UBR2: variants seen among roughly 807,000 people sequenced by gnomAD.
The protein encoded by UBR2 is E3 ubiquitin-protein ligase UBR2.
UBR2 carries 92 observed loss-of-function variants against 247.9 expected under a neutral mutation model. The observed-to-expected ratio is 0.37, with a 90% CI of 0.31 to 0.44. The LOEUF is 0.44. Among genes scored for constraint, UBR2 ranks in the 20% least tolerant of loss-of-function variants. UBR2 has a pLI of 1.00. For missense variants in UBR2, 1,613 were observed against 2,112.6 expected, an observed-to-expected ratio of 0.76 and a Z score of 4.64; for synonymous variants, 672 against 693.5, an observed-to-expected ratio of 0.97 and a Z score of 0.49.
chr6:42,623,887 A>G (rs1795162657), intron 11 of UBR2, among the ~76,000 whole-genome samples: 1 of 151,308 alleles, frequency 6.6e-6, no homozygotes, highest in Admixed American at 6.6e-5. Flanking sequence ...CAAATGTTTT[A>G]TTACTTTTGC....
At chr6:42,580,945 C>T (rs531592344) in intron 2 of UBR2, among the ~76,000 whole-genome samples, 4 of 151,838 alleles carry the variant, frequency 2.6e-5, no homozygotes, top group African/African-American at 7.2e-5. Flanking sequence ...TGGCTCCAGC[C>T]GCCTAGGTAA....
chr6:42,586,393 G>A (rs933496019), intron 2 of UBR2, among the ~76,000 whole-genome samples: 4 of 152,000 alleles, frequency 2.6e-5, no homozygotes, highest in African/African-American at 4.8e-5. Flanking sequence ...TTTATGGTTC[G>A]GCAACATGGT....
intron 41 of UBR2, among the ~76,000 whole-genome samples, chr6:42,679,020 T>G (rs1798882322): frequency 6.6e-6 from 1 of 152,232 alleles, no homozygotes; most frequent in African/African-American, 2.4e-5. Context: ...TTCAAGTGAT[T>G]TTTAACTTGA....
intron 42 of UBR2, among the ~76,000 whole-genome samples, chr6:42,682,838 C>T (rs1227415759): frequency 6.6e-6 from 1 of 152,116 alleles, no homozygotes; most frequent in East Asian, 1.9e-4. Flanking sequence ...TGTTTATAGT[C>T]ACAAATTGTA....
At position 42,641,451 on chromosome 6, in the gene UBR2, A is replaced by AAAT. The variant is rs554395742; in HGVS notation, c.1921-115_1921-113dup. 5.6e-3 allele frequency: 3,327 copies of AAAT among 596,700 alleles called. 13 individuals carry two copies. Among genetic ancestry groups the AAAT allele is most frequent in the Non-Finnish European group, 7.6e-3 (2,866 of 376,392 alleles). The allele number at this position is 596,700 out of a possible 1,614,324, so 37.0% of individuals were successfully genotyped here. ...TGACAGAGTGAGACTCTGTCTCAAA[A>AAAT]AATAATAATAATAATAATTTATATT... is the stretch of plus-strand genomic sequence containing the variant. On this transcript the variant is annotated intron_variant, in intron 16 of 46. Coordinates refer to ENST00000372901, the MANE Select transcript of UBR2 (RefSeq NM_001363705.2).
intron 23 of UBR2, among the ~76,000 whole-genome samples, chr6:42,651,750 C>A (rs1438616858): frequency 1.3e-5 from 2 of 152,048 alleles, no homozygotes; most frequent in African/African-American, 4.8e-5. Context: ...CTTGGCCTCC[C>A]AAAGTGCTGG....
intron 2 of UBR2, among the ~76,000 whole-genome samples, chr6:42,587,897 A>G (rs898975683): frequency 6.6e-6 from 1 of 152,028 alleles, no homozygotes; most frequent in Admixed American, 6.6e-5. Context: ...TATTCTGGGA[A>G]AAACACACTC....
chr6:42,573,298 C>T (rs941762007), intron 1 of UBR2, among the ~76,000 whole-genome samples: 12 of 152,040 alleles, frequency 7.9e-5, no homozygotes, highest in South Asian at 4.2e-4. Flanking sequence ...TCATGTTCAC[C>T]GTACATATTG....
rs1798575326 is a variant in UBR2 at position 42,673,864 on chromosome 6, G to A, written c.4160G>A (p.Gly1387Glu). The change falls in exon 37 of 47, where the codon GGA (glycine) becomes GAA (glutamate). Residue 1387 changes from glycine (G) to glutamate (E), a missense_variant. Around this residue, in one of 3 missense-constraint regions of UBR2, gnomAD observed 1,524 missense variants for 1,967.3 expected, o/e 0.77. Transcript: ENST00000372901. ...WTVASVSVVQ[G>E]HFCKLFASLV... Reference sequence around the variant, plus strand: ...GTGGCATCAGTTTCAGTGGTGCAAGGACATTTTTGTAAACTTTTTGCATGT... The same window carrying A: ...GTGGCATCAGTTTCAGTGGTGCAAGAACATTTTTGTAAACTTTTTGCATGT... The A allele has an allele frequency of 1.2e-6, 2 of 1,613,570 alleles. No homozygotes were observed. Among genetic ancestry groups the A allele is most frequent in the African/African-American group, 2.7e-5 (2 of 75,020 alleles).
chr6:42,656,804 G>C (rs1797464110), intron 26 of UBR2, among the ~76,000 whole-genome samples: 1 of 152,130 alleles, frequency 6.6e-6, no homozygotes, highest in African/African-American at 2.4e-5. Context: ...TTGGATGCCA[G>C]TTTTTACCTA....
intron 1 of UBR2, among the ~76,000 whole-genome samples, chr6:42,571,242 C>CAAA (rs774925925): frequency 7.4e-4 from 29 of 39,102 alleles, no homozygotes; most frequent in Admixed American, 1.0e-3. Flanking sequence ...GACTCCGTCT[C>CAAA]AAAAAAAAAA....
rs1213851179 is a variant in UBR2 at position 42,688,420 on chromosome 6, C to A, written c.5024+34C>A. 2.5e-6 allele frequency: 4 copies of A among 1,609,244 alleles called. No individual in the cohort carries two copies. The Admixed American group carries it at 6.7e-5, about 27-fold the overall frequency. ...CTGCAGGGGCTTTTTAGCTTTGGAT[C>A]TGCCTCAGTATCTGACTGTTAGGGT... On this transcript the variant is annotated intron_variant, in intron 45 of 46. Coordinates refer to ENST00000372901, the MANE Select transcript of UBR2 (RefSeq NM_001363705.2).
rs747929654 is a variant in UBR2, at chr6:42,615,151, A to G, written c.1066A>G (p.Met356Val). 2 of 1,611,644 alleles carry G rather than the reference A, an allele frequency of 1.2e-6. No homozygotes were observed. Among genetic ancestry groups the G allele is most frequent in the South Asian group, 2.2e-5 (2 of 90,462 alleles). Reference protein sequence around the residue: ...GENSSLVDRLMLSDSKLWKGA... With the variant: ...GENSSLVDRLVLSDSKLWKGA... ...AAACTCTTCTCTAGTGGACAGACTG[A>G]TGCTTAGTGATTCCAAATTATGGAA... The change falls in exon 9 of 47, where the codon ATG (methionine) becomes GTG (valine). Residue 356 changes from methionine (M) to valine (V), a missense_variant. By Grantham distance (21) the Met-to-Val change is conservative. This residue lies in a region of UBR2 where 1,524 missense variants were observed against 1,967.3 expected (regional missense o/e 0.77). Coordinates refer to ENST00000372901, the MANE Select transcript of UBR2 (RefSeq NM_001363705.2).
At chr6:42,614,844 G>C (rs1228694448) in intron 8 of UBR2, among the ~76,000 whole-genome samples, 1 of 152,068 alleles carries the variant, frequency 6.6e-6, no homozygotes, top group Non-Finnish European at 1.5e-5. Context: ...TTTATGATAG[G>C]CATATATTTT....
At chr6:42,674,059 C>A (rs1033795962) in intron 37 of UBR2, 67 bp from the exon 38 acceptor site, 6 of 1,503,494 alleles carry the variant, frequency 4.0e-6, no homozygotes, top group Non-Finnish European at 4.6e-6. Flanking sequence ...AAATTTAAAG[C>A]AGATTATATG....
chr6:42,607,319 A>G (rs550378447), intron 7 of UBR2, among the ~76,000 whole-genome samples: 1 of 151,320 alleles, frequency 6.6e-6, no homozygotes, highest in East Asian at 1.9e-4. Context: ...AAGTGCACAC[A>G]GCCACGCCCA....
In UBR2 at chr6:42,645,590, T is replaced by C. The variant is rs1208621467; in HGVS notation, c.2409T>C (p.Asp803=). The change falls in exon 21 of 47, where the codon GAT becomes GAC. Residue 803 remains aspartate, a splice_region_variant and synonymous_variant. Coordinates refer to ENST00000372901, the MANE Select transcript of UBR2 (RefSeq NM_001363705.2). ...HSELVKSLPE[D]ENKETGMESV... ...AATTGGTAAAGTCTTTACCTGAAGA[T>C]GTAAGTACCTACATTTCTAAAAAGA... 1 of 1,611,874 alleles carries C rather than the reference T, an allele frequency of 6.2e-7. No homozygotes were observed. Among genetic ancestry groups the C allele is most frequent in the Non-Finnish European group, 8.5e-7 (1 of 1,179,498 alleles).
intron 26 of UBR2, among the ~76,000 whole-genome samples, chr6:42,657,484 T>C (rs112879464): frequency 1.3e-5 from 2 of 152,202 alleles, no homozygotes; most frequent in African/African-American, 4.8e-5. Flanking sequence ...AAAAGGGACA[T>C]TTTTCCAGAA....
At chr6:42,592,039 C>A in intron 2 of UBR2, 112 bp from the exon 3 acceptor site, 2 of 1,052,994 alleles carry the variant, frequency 1.9e-6, no homozygotes, top group Non-Finnish European at 2.7e-6. Flanking sequence ...TTTAAAACAC[C>A]AAAAAACTTC....
Sources: gnomAD v4.1 joint callset for allele counts (sites outside exome capture counted in the v4.1 genomes callset) on GRCh38, gnomAD v4.1.1 for gene constraint, gnomAD v4.1.1 regional missense constraint, MANE v1.5 for transcripts, NCBI Gene and HGNC (gene_info 2026-07-23, HGNC 2026-07-21) for gene names.